The following CPE variants were observed in gnomAD, a reference collection of about 807,000 sequenced individuals.
CPE encodes carboxypeptidase E, also known as carbocypeptidase E.
CPE carries 17 observed loss-of-function variants against 53.5 expected under a neutral mutation model. The ratio of observed to expected loss-of-function variants is 0.32; its 90% CI spans 0.22 to 0.48. The LOEUF (loss-of-function observed/expected upper bound fraction) is 0.48, where lower values mean the gene tolerates loss of function less well. Among genes scored for constraint, CPE ranks in the 20% least tolerant of loss-of-function variants. CPE has a pLI of 0.99. For synonymous variants in CPE, 226 were observed against 228.8 expected (o/e 0.99, Z 0.11); for missense variants, 524 against 614.7 (o/e 0.85, Z 1.56).
intron 1 of CPE, among the ~76,000 whole-genome samples, chr4:165,400,064 G>A (rs546666891): frequency 3.5e-4 from 53 of 152,306 alleles, no homozygotes; most frequent in African/African-American, 1.3e-3. Flanking sequence ...GCTAGACTGA[G>A]GATTTAGACT....
chr4:165,476,209 A>T (rs977329047), intron 3 of CPE, among the ~76,000 whole-genome samples: 1 of 152,164 alleles, frequency 6.6e-6, no homozygotes, highest in African/African-American at 2.4e-5. Context: ...GTACACTTGG[A>T]AGTAGGCCAA....
chr4:165,415,982 C>CG (rs1464255428), intron 1 of CPE, among the ~76,000 whole-genome samples: 1 of 151,920 alleles, frequency 6.6e-6, no homozygotes, highest in Non-Finnish European at 1.5e-5. Flanking sequence ...AATATAAAAC[C>CG]GGGAATTAGA....
At chr4:165,409,005 C>A (rs561583049) in intron 1 of CPE, among the ~76,000 whole-genome samples, 1 of 152,198 alleles carries the variant, frequency 6.6e-6, no homozygotes. Flanking sequence ...TTTACCTCCA[C>A]CTGGTGAAAT....
chr4:165,432,926 C>T (rs1354469884), intron 1 of CPE, among the ~76,000 whole-genome samples: 2 of 152,182 alleles, frequency 1.3e-5, no homozygotes, highest in Admixed American at 6.5e-5. Flanking sequence ...TCACTGCTTT[C>T]CACGACCTCC....
intron 1 of CPE, among the ~76,000 whole-genome samples, chr4:165,419,926 C>T (rs1464841732): frequency 5.3e-5 from 8 of 152,160 alleles, no homozygotes; most frequent in Non-Finnish European, 2.9e-5. Flanking sequence ...AACCAAACTT[C>T]TTCACTGGAT....
intron 1 of CPE, among the ~76,000 whole-genome samples, chr4:165,389,253 A>G (rs73003609): frequency 7.6e-4 from 115 of 152,300 alleles, no homozygotes; most frequent in African/African-American, 2.7e-3. Context: ...TTGTGAATGC[A>G]GAAGTCGTCT....
intron 1 of CPE, among the ~76,000 whole-genome samples, chr4:165,456,556 TTCTCTC>T (rs33985842): frequency 6.0e-5 from 9 of 149,700 alleles, no homozygotes; most frequent in Non-Finnish European, 1.0e-4. Flanking sequence ...CTCTCTCTCT[TTCTCTC>T]TCTCTCTCTC....
intron 1 of CPE, among the ~76,000 whole-genome samples, chr4:165,412,276 T>C (rs1321441360): frequency 6.6e-6 from 1 of 152,224 alleles, no homozygotes; most frequent in Non-Finnish European, 1.5e-5. Flanking sequence ...TTTAAAAATA[T>C]GATTTTTTTG....
At chr4:165,446,477 T>C (rs6853271) in intron 1 of CPE, among the ~76,000 whole-genome samples, 36,074 of 152,064 alleles carry the variant, frequency 0.24, 4,556 homozygotes, top group East Asian at 0.36. Context: ...ATAAAAGAAA[T>C]ACAAATTAGA....
chr4:165,459,682 G>GT (rs1161065878), intron 1 of CPE, among the ~76,000 whole-genome samples: 1 of 127,866 alleles, frequency 7.8e-6, no homozygotes, highest in Admixed American at 7.6e-5. Context: ...GGTGGGGGGG[G>GT]GCGGGGCAGA....
rs1313147771 is a variant in CPE, at chr4:165,495,590, A to G, written c.1245A>G (p.Ile415Met). 3.7e-6 allele frequency: 6 copies of G among 1,613,648 alleles called. No individual in the cohort carries two copies. Among genetic ancestry groups the G allele is most frequent in the Non-Finnish European group, 3.4e-6 (4 of 1,179,818 alleles). The change falls in exon 8 of 9, where the codon ATA becomes ATG. Residue 415 changes from isoleucine (I) to methionine (M), a missense_variant. By Grantham distance (10) the Ile-to-Met change is conservative. Transcript: ENST00000402744. ...AKDGDYWRLL[I>M]PGNYKLTASA... ...ATGGTGATTACTGGAGATTGCTTAT[A>G]CCTGGAAACTATAAACTTACAGCCT...
Position 165,379,278 on chromosome 4 carries a change from C to T in CPE, c.57C>T (p.Cys19=). ...CTCTGTGCGGGGCACTGGCTGCCTG[C>T]GGGTGGCTCCTGGGCGCCGAAGCCC... The part of the protein sequence containing the change: ...LLALCGALAA[C]GWLLGAEAQE... Residue 19 remains cysteine, a synonymous_variant, in exon 1 of 9, where the codon TGC becomes TGT. Coordinates refer to ENST00000402744, the MANE Select transcript of CPE (RefSeq NM_001873.4). The surrounding 1 kb of genome is among the most constrained non-coding windows in gnomAD (Gnocchi z 6.0). The T allele has an allele frequency of 3.4e-6, 5 of 1,468,002 alleles. No individual in the cohort carries two copies. The South Asian group carries it at 6.8e-5, about 20-fold the overall frequency. The allele number at this position is 1,468,002 out of a possible 1,614,324, so 90.9% of individuals were successfully genotyped here.
At chr4:165,405,137 T>C in intron 1 of CPE, 2 of 760,080 alleles carry the variant, frequency 2.6e-6, no homozygotes, top group South Asian at 1.4e-5. Context: ...TACTTTGTCA[T>C]TCAATCCTTT....
At chr4:165,478,571 CA>C (rs1422229710) in intron 3 of CPE, among the ~76,000 whole-genome samples, 1 of 152,076 alleles carries the variant, frequency 6.6e-6, no homozygotes, top group Non-Finnish European at 1.5e-5. Flanking sequence ...TATTTTATTA[CA>C]AAAATTAAAA....
At chr4:165,383,982 T>C (rs1365204357) in intron 1 of CPE, among the ~76,000 whole-genome samples, 1 of 152,214 alleles carries the variant, frequency 6.6e-6, no homozygotes, top group Non-Finnish European at 1.5e-5. Flanking sequence ...CAAGTTGGGC[T>C]TGCCCCTACA....
chr4:165,463,640 G>T (rs1377915776), intron 1 of CPE, among the ~76,000 whole-genome samples: 1 of 152,186 alleles, frequency 6.6e-6, no homozygotes, highest in Non-Finnish European at 1.5e-5. Flanking sequence ...GGCTTCCCAG[G>T]CCATGTAACT....
At position 165,482,369 on chromosome 4, in the gene CPE, C is replaced by T. The variant is rs202187157; in HGVS notation, c.790+10C>T. The T allele has an allele frequency of 4.5e-6, 7 of 1,547,802 alleles. No homozygotes were observed. The Middle Eastern group carries it at 5.1e-4, about 112-fold the overall frequency. On this transcript the variant is annotated intron_variant, in intron 4 of 8. Coordinates refer to ENST00000402744, the MANE Select transcript of CPE (RefSeq NM_001873.4). ...GATGAGACGCGGAGTGGTAGGTATTCTTTCTGCTTCTCTTATTGGTTCAAA... is the reference window on the plus strand; with the variant it reads ...GATGAGACGCGGAGTGGTAGGTATTTTTTCTGCTTCTCTTATTGGTTCAAA...
intron 1 of CPE, among the ~76,000 whole-genome samples, chr4:165,414,928 AT>A (rs1265163312): frequency 6.6e-6 from 1 of 151,906 alleles, no homozygotes; most frequent in Non-Finnish European, 1.5e-5. Flanking sequence ...AACAGCCATT[AT>A]TTAAAAAAAA....
At chr4:165,481,724 C>T (rs1732417238) in intron 3 of CPE, among the ~76,000 whole-genome samples, 1 of 152,138 alleles carries the variant, frequency 6.6e-6, no homozygotes, top group African/African-American at 2.4e-5. Flanking sequence ...GAGACTCAAC[C>T]TAATATTCTT....
Sources: allele counts gnomAD v4.1 joint callset (sites outside exome capture counted in the v4.1 genomes callset), GRCh38; gene constraint gnomAD v4.1.1; non-coding constraint Gnocchi (gnomAD v3.1); transcripts MANE v1.5; gene names NCBI Gene and HGNC (gene_info 2026-07-23, HGNC 2026-07-21).